CACNA1B: variants seen among roughly 807,000 people sequenced by gnomAD.
CACNA1B encodes the protein calcium voltage-gated channel subunit alpha1 B, also known as voltage-dependent N-type calcium channel subunit alpha-1B.
A neutral mutation model predicts 247.2 loss-of-function variants in CACNA1B; 70 were observed. The ratio of observed to expected loss-of-function variants is 0.28; its 90% CI spans 0.23 to 0.35. The LOEUF (loss-of-function observed/expected upper bound fraction) is 0.35, where lower values mean the gene tolerates loss of function less well. Ranked by LOEUF, CACNA1B falls within the 10% of genes least tolerant of loss-of-function variation. The pLI, the probability that CACNA1B is intolerant of heterozygous loss-of-function variation, is 1.00. For missense variants in CACNA1B, 2,367 were observed against 3,197.4 expected, an observed-to-expected ratio of 0.74 and a Z score of 6.26; for synonymous variants, 1,231 against 1,294.4, an observed-to-expected ratio of 0.95 and a Z score of 1.05.
chr9:137,892,308 C>G (rs1011235815), intron 3 of CACNA1B: 1 of 456,668 alleles, frequency 2.2e-6, no homozygotes, highest in African/African-American at 2.0e-5. Flanking sequence ...GGCCTCTCCT[C>G]CTGGCTGGCA....
rs1012851570 is a variant in CACNA1B, at chr9:138,118,512, G to A, written c.5914-140G>A. 3.1e-5 allele frequency: 18 copies of A among 582,112 alleles called. No individual in the cohort carries two copies. In the Admixed American group the frequency reaches 3.2e-4, roughly 10 times the overall value. 36.1% of individuals were successfully genotyped at this position (582,112 alleles called of 1,614,324 possible). ...GGTGTGTGAGACTGGGGTGGGGGAC[G>A]TGTGAACAGCAGTGGGAGTTAGGTG... On this transcript the variant is annotated intron_variant, in intron 43 of 46. Coordinates refer to ENST00000371372, the MANE Select transcript of CACNA1B (RefSeq NM_000718.4).
intron 13 of CACNA1B, among the ~76,000 whole-genome samples, chr9:137,985,571 T>C (rs975758975): frequency 2.0e-5 from 3 of 152,196 alleles, no homozygotes; most frequent in Admixed American, 2.0e-4. Flanking sequence ...AGAGAATCCA[T>C]GGAGGATAGC....
chr9:137,918,814 A>G (rs769342155), intron 6 of CACNA1B, among the ~76,000 whole-genome samples: 2 of 152,208 alleles, frequency 1.3e-5, no homozygotes, highest in Non-Finnish European at 2.9e-5. Context: ...GTTAAGGAAA[A>G]GCCAGCACAG....
In CACNA1B at chr9:138,031,213, A is replaced by G. The variant is rs1424505520; in HGVS notation, c.3286+6041A>G. ...GTTTCCCTCTTGGCAGCTGCATTCCACAGGTTTTCATATTGTATATTTTTT... is the reference window on the plus strand; with the variant it reads ...GTTTCCCTCTTGGCAGCTGCATTCCGCAGGTTTTCATATTGTATATTTTTT... On this transcript the variant is annotated intron_variant, in intron 20 of 46. Coordinates refer to ENST00000371372, the MANE Select transcript of CACNA1B (RefSeq NM_000718.4). 3.3e-5 allele frequency among the ~76,000 whole-genome samples: 5 copies of G among 152,012 alleles called. No individual in the cohort carries two copies. The East Asian group carries it at 9.6e-4, about 29-fold the overall frequency.
At position 137,974,309 on chromosome 9, in the gene CACNA1B, TCA is replaced by T. The variant is rs768795528; in HGVS notation, c.1544-1595_1544-1594del. ...GAGGGTCGCTGGGCATCCATGCCTC[TCA>T]CAGGGGGCTCTCGGCTTCTCCAGGG... On this transcript the variant is annotated intron_variant, in intron 11 of 46. Coordinates refer to ENST00000371372, the MANE Select transcript of CACNA1B (RefSeq NM_000718.4). This position sits in a 1 kb window ranked among gnomAD's most constrained non-coding sequence, Gnocchi z 4.5. Among the ~76,000 whole-genome samples the T allele has an allele frequency of 4.6e-5, 7 of 152,220 alleles. No individual in the cohort carries two copies. The highest frequency in any genetic ancestry group is 1.0e-4 in the Non-Finnish European group (7 of 68,028).
intron 19 of CACNA1B, 51 bp downstream of exon 19, chr9:138,023,862 C>G (rs1201903403): frequency 1.1e-6 from 1 of 928,720 alleles, no homozygotes; most frequent in African/African-American, 1.7e-5. Flanking sequence ...GCCGGGGCGG[C>G]GCGGGCCCCA....
At chr9:138,099,487 G>A (rs559458539) in intron 37 of CACNA1B, among the ~76,000 whole-genome samples, 4 of 151,940 alleles carry the variant, frequency 2.6e-5, no homozygotes, top group Admixed American at 6.5e-5. Flanking sequence ...GCACATGCCC[G>A]TGTGTGCCTG....
Position 137,957,569 on chromosome 9 carries a change from C to G in CACNA1B, c.1244-29C>G, listed in dbSNP as rs752860200. 3 of 1,522,562 alleles carry G rather than the reference C, an allele frequency of 2.0e-6. No homozygotes were observed. The highest frequency in any genetic ancestry group is 2.8e-5 in the African/African-American group (2 of 72,270). 94.3% of individuals were successfully genotyped at this position (1,522,562 alleles called of 1,614,324 possible). Reference sequence around the variant, plus strand: ...GGTGGCCTGAGGGCTGCAGCTCAGGCAGTCTCTCCCATCCTTTGTTTAAAG... The same window carrying G: ...GGTGGCCTGAGGGCTGCAGCTCAGGGAGTCTCTCCCATCCTTTGTTTAAAG... On this transcript the variant is annotated intron_variant, in intron 9 of 46. Transcript: ENST00000371372. This position sits in a 1 kb window ranked among gnomAD's most constrained non-coding sequence, Gnocchi z 4.7.
At chr9:137,949,834 A>G (rs894293946) in intron 6 of CACNA1B, among the ~76,000 whole-genome samples, 3 of 152,146 alleles carry the variant, frequency 2.0e-5, no homozygotes, top group Admixed American at 2.0e-4. Context: ...CTCATCTCAG[A>G]GCACCTTTGT....
intron 15 of CACNA1B, among the ~76,000 whole-genome samples, chr9:137,999,931 T>C (rs1958545541): frequency 6.6e-6 from 1 of 151,946 alleles, no homozygotes. Flanking sequence ...ATAACAAGCA[T>C]GTTCATGAAG....
intron 5 of CACNA1B, among the ~76,000 whole-genome samples, chr9:137,915,201 G>A (rs1331980860): frequency 1.3e-5 from 2 of 152,204 alleles, no homozygotes; most frequent in Non-Finnish European, 2.9e-5. Flanking sequence ...AAGGCCTATG[G>A]TGCGGAGCAG....
chr9:138,066,215 A>G (rs1959908948), intron 31 of CACNA1B, among the ~76,000 whole-genome samples: 1 of 152,154 alleles, frequency 6.6e-6, no homozygotes, highest in South Asian at 2.1e-4. Context: ...TGTCCCAGTG[A>G]GGGGCAAGAG....
At chr9:137,943,712 G>A (rs1025175287) in intron 6 of CACNA1B, among the ~76,000 whole-genome samples, 1 of 152,152 alleles carries the variant, frequency 6.6e-6, no homozygotes, top group East Asian at 1.9e-4. Flanking sequence ...GTATTTATTA[G>A]GCAAAAGAGA....
intron 20 of CACNA1B, among the ~76,000 whole-genome samples, chr9:138,033,018 T>TA (rs1959003880): frequency 6.6e-6 from 1 of 152,204 alleles, no homozygotes; most frequent in South Asian, 2.1e-4. Flanking sequence ...ATGACATGAA[T>TA]ATTAGATCTT....
chr9:137,919,361 G>T lies in CACNA1B; in HGVS notation c.966+1930G>T, dbSNP rs1957451308. On this transcript the variant is annotated intron_variant, in intron 6 of 46. Coordinates refer to ENST00000371372, the MANE Select transcript of CACNA1B (RefSeq NM_000718.4). The surrounding 1 kb of genome is among the most constrained non-coding windows in gnomAD (Gnocchi z 4.6). ...TGACGAGGTACAGGGTACTGGGAGGGCAAGGCCTGGTGAGGTCTAGAAACC... is the reference window on the plus strand; with the variant it reads ...TGACGAGGTACAGGGTACTGGGAGGTCAAGGCCTGGTGAGGTCTAGAAACC... Among the ~76,000 whole-genome samples, 1 of 152,246 alleles carries T rather than the reference G, an allele frequency of 6.6e-6. No homozygotes were observed. Among genetic ancestry groups the T allele is most frequent in the Admixed American group, 6.5e-5 (1 of 15,292 alleles).
Position 138,073,574 on chromosome 9 carries a change from C to T in CACNA1B, c.4761C>T (p.Ile1587=). ...KLLRQGYTIR[I]LLWTFVQSFK... is the part of the protein sequence containing the mutation. ...TCCGCCAGGGCTACACCATCCGCAT[C>T]CTGCTGTGGACCTTTGTCCAGTCCT... Residue 1587 remains isoleucine (I), a synonymous_variant, in exon 33 of 47, where the codon ATC becomes ATT. Transcript: ENST00000371372. The surrounding 1 kb of genome is among the most constrained non-coding windows in gnomAD (Gnocchi z 6.4). 1 of 1,611,380 alleles carries T rather than the reference C, an allele frequency of 6.2e-7. No individual in the cohort carries two copies. The highest frequency in any genetic ancestry group is 8.5e-7 in the Non-Finnish European group (1 of 1,177,620).
intron 6 of CACNA1B, among the ~76,000 whole-genome samples, chr9:137,925,238 G>A (rs1237544344): frequency 6.6e-6 from 1 of 152,232 alleles, no homozygotes; most frequent in Non-Finnish European, 1.5e-5. Context: ...CCCTCCCCAG[G>A]TTATCTGAGG....
At chr9:137,926,532 C>A (rs148524454) in intron 6 of CACNA1B, among the ~76,000 whole-genome samples, 109 of 152,290 alleles carry the variant, frequency 7.2e-4, no homozygotes, top group African/African-American at 2.5e-3. Context: ...GCTTTCAATT[C>A]TTTTGGGTAT....
At chr9:137,911,631 C>A (rs1349565279) in intron 3 of CACNA1B, among the ~76,000 whole-genome samples, 2 of 152,138 alleles carry the variant, frequency 1.3e-5, no homozygotes, top group African/African-American at 4.8e-5. Flanking sequence ...GTTGGTCAGG[C>A]TGGTCTCGAA....
Sources: gnomAD v4.1 joint callset for allele counts (sites outside exome capture counted in the v4.1 genomes callset) on GRCh38, gnomAD v4.1.1 for gene constraint, Gnocchi (gnomAD v3.1) non-coding constraint, MANE v1.5 for transcripts, NCBI Gene and HGNC (gene_info 2026-07-23, HGNC 2026-07-21) for gene names.